CCDC178: variants seen among roughly 807,000 people sequenced by gnomAD.
CCDC178 encodes the protein coiled-coil domain-containing protein 178.
Under a neutral mutation model 117.4 loss-of-function variants are expected in CCDC178, and 126 were observed. The observed-to-expected ratio is 1.07, with a 90% CI of 0.93 to 1.24. The LOEUF is 1.24. CCDC178 is among the 50% of genes most tolerant of loss of function. CCDC178 has a pLI of 0.00. For synonymous variants in CCDC178, 283 were observed against 313.4 expected (o/e 0.90, Z 1.02); for missense variants, 1,030 against 986.9 (o/e 1.04, Z -0.59).
chr18:33,409,150 C>T (rs764084771), intron 3 of CCDC178, among the ~76,000 whole-genome samples: 2 of 152,106 alleles, frequency 1.3e-5, no homozygotes, highest in Admixed American at 6.6e-5. Flanking sequence ...AGCTGGAGTG[C>T]AGAGCCGCAT....
chr18:33,319,521 T>C (rs1480101979), intron 11 of CCDC178, among the ~76,000 whole-genome samples: 2 of 152,192 alleles, frequency 1.3e-5, no homozygotes, highest in African/African-American at 4.8e-5. Context: ...TGTGTCTTTA[T>C]AGCAGCATGA....
chr18:33,015,791 G>C (rs1447471994), intron 21 of CCDC178, among the ~76,000 whole-genome samples: 1 of 152,014 alleles, frequency 6.6e-6, no homozygotes, highest in African/African-American at 2.4e-5. Flanking sequence ...CAATCAATAA[G>C]AAAATCAAAA....
intron 21 of CCDC178, among the ~76,000 whole-genome samples, chr18:33,001,396 G>A (rs901431544): frequency 6.1e-5 from 9 of 146,588 alleles, no homozygotes; most frequent in East Asian, 2.0e-4. Flanking sequence ...GCCTGTAGTC[G>A]CAGCTACTTG....
chr18:33,391,082 A>G (rs2144826674), intron 4 of CCDC178, among the ~76,000 whole-genome samples: 1 of 151,418 alleles, frequency 6.6e-6, no homozygotes, highest in South Asian at 2.1e-4. Context: ...TAGCTATTAT[A>G]ATATATAAAT....
chr18:33,261,372 C>T (rs1201725718), intron 14 of CCDC178, among the ~76,000 whole-genome samples: 3 of 152,178 alleles, frequency 2.0e-5, no homozygotes, highest in Non-Finnish European at 4.4e-5. Flanking sequence ...CTTGAGCCAC[C>T]ACGCCCGGCC....
chr18:33,304,202 T>C (rs918621096), intron 11 of CCDC178, among the ~76,000 whole-genome samples: 1 of 152,218 alleles, frequency 6.6e-6, no homozygotes, highest in African/African-American at 2.4e-5. Flanking sequence ...TGTGATCCCC[T>C]AGGTTCTCCA....
intron 12 of CCDC178, among the ~76,000 whole-genome samples, chr18:33,279,400 G>A (rs1224885961): frequency 2.6e-5 from 4 of 152,128 alleles, no homozygotes; most frequent in South Asian, 2.1e-4. Flanking sequence ...ACTTACAAGG[G>A]ACGTGAAGGA....
At chr18:33,018,231 C>T (rs1418492914) in intron 21 of CCDC178, among the ~76,000 whole-genome samples, 2 of 151,744 alleles carry the variant, frequency 1.3e-5, no homozygotes, top group Non-Finnish European at 2.9e-5. Flanking sequence ...AATGGAATAC[C>T]ACTTCATACT....
At chr18:33,091,217 A>G (rs755844709) in intron 21 of CCDC178, among the ~76,000 whole-genome samples, 2 of 151,880 alleles carry the variant, frequency 1.3e-5, no homozygotes, top group Non-Finnish European at 2.9e-5. Flanking sequence ...AATTCTTCAT[A>G]GATACATACA....
chr18:33,352,288 T>C (rs1369442012), intron 7 of CCDC178, among the ~76,000 whole-genome samples: 1 of 152,180 alleles, frequency 6.6e-6, no homozygotes, highest in Non-Finnish European at 1.5e-5. Context: ...TATATTATTT[T>C]AGTTAATTTG....
At chr18:33,256,691 T>C (rs924473440) in intron 14 of CCDC178, among the ~76,000 whole-genome samples, 4 of 152,082 alleles carry the variant, frequency 2.6e-5, no homozygotes, top group Non-Finnish European at 5.9e-5. Context: ...CTCATTCTAT[T>C]TTCCACAACT....
intron 12 of CCDC178, among the ~76,000 whole-genome samples, chr18:33,279,777 G>T (rs1340257542): frequency 6.6e-6 from 1 of 152,102 alleles, no homozygotes; most frequent in South Asian, 2.1e-4. Flanking sequence ...GAACAGAACA[G>T]AGCCCTCAGA....
chr18:32,993,729 A>AG (rs1464008731), intron 21 of CCDC178, among the ~76,000 whole-genome samples: 2 of 152,248 alleles, frequency 1.3e-5, no homozygotes, highest in Non-Finnish European at 2.9e-5. Context: ...TAAGTCCTTG[A>AG]GGGCAGGGTC....
rs1451872162 is a variant in CCDC178, at chr18:33,333,236, G to A, written c.817C>T (p.Leu273=). 14 of 1,612,854 alleles carry A rather than the reference G, an allele frequency of 8.7e-6. No homozygotes were observed. Among genetic ancestry groups the A allele is most frequent in the African/African-American group, 1.3e-5 (1 of 74,800 alleles). ...AGTTCCTGATTCTGCTTAGAGTCCAGTAGAGGGCCATGTTCATTCATGTAG... is the reference window on the plus strand; with the variant it reads ...AGTTCCTGATTCTGCTTAGAGTCCAATAGAGGGCCATGTTCATTCATGTAG... The part of the protein sequence containing the change: ...IDYMNEHGPL[L]DSKQNQELQD... The change falls in exon 10 of 23, where the codon CTG becomes TTG. Residue 273 remains leucine, a synonymous_variant. Coordinates refer to ENST00000383096, the MANE Select transcript of CCDC178 (RefSeq NM_001105528.4).
rs2064375220 is a variant in CCDC178, at chr18:33,440,666, T to TTCCCCGCGCGTC, written c.-168_-157dup. The TTCCCCGCGCGTC allele has an allele frequency of 1.3e-5, 2 of 151,712 alleles. No individual in the cohort carries two copies. Among genetic ancestry groups the TTCCCCGCGCGTC allele is most frequent in the African/African-American group, 4.9e-5 (2 of 40,750 alleles). The allele number at this position is 151,712 out of a possible 1,614,324, so 9.4% of individuals were successfully genotyped here. A position where few individuals can be genotyped will look rare whatever the true frequency, so the allele number is the denominator to read the frequency against. On this transcript the variant is annotated 5_prime_UTR_variant, in exon 1 of 23. Coordinates refer to ENST00000383096, the MANE Select transcript of CCDC178 (RefSeq NM_001105528.4). ...CCCCCGACTCACCGGCTCCGCGCGT[T>TTCCCCGCGCGTC]TCCCCGCGCGTCTCCCGGACCCGCG...
At chr18:33,049,009 T>C (rs145100446) in intron 21 of CCDC178, among the ~76,000 whole-genome samples, 55 of 152,268 alleles carry the variant, frequency 3.6e-4, no homozygotes, top group Non-Finnish European at 5.9e-4. Flanking sequence ...TTAAAAATTG[T>C]AGTGACACTG....
intron 20 of CCDC178, among the ~76,000 whole-genome samples, chr18:33,209,974 T>C (rs2059088452): frequency 6.6e-6 from 1 of 151,916 alleles, no homozygotes; most frequent in South Asian, 2.1e-4. Flanking sequence ...TGATTCAGCT[T>C]CTGCACCCAG....
intron 21 of CCDC178, among the ~76,000 whole-genome samples, chr18:33,001,357 C>CA (rs1416533046): frequency 6.6e-6 from 1 of 151,620 alleles, no homozygotes; most frequent in African/African-American, 2.4e-5. Context: ...TACTAAAATA[C>CA]AAAAAATTAG....
intron 18 of CCDC178, among the ~76,000 whole-genome samples, chr18:33,219,352 G>A (rs1463522955): frequency 6.6e-6 from 1 of 152,138 alleles, no homozygotes; most frequent in African/African-American, 2.4e-5. Flanking sequence ...TTCAACCATT[G>A]TGGAAGACAG....
Sources: gnomAD v4.1 joint callset for allele counts (sites outside exome capture counted in the v4.1 genomes callset) on GRCh38, gnomAD v4.1.1 for gene constraint, MANE v1.5 for transcripts, NCBI Gene and HGNC (gene_info 2026-07-23, HGNC 2026-07-21) for gene names.